Variants in LRRC4C observed in about 807,000 individuals in gnomAD.
LRRC4C encodes the protein leucine rich repeat containing 4C.
Under a neutral mutation model 33.6 loss-of-function variants are expected in LRRC4C, and 5 were observed. The ratio of observed to expected loss-of-function variants is 0.15; its 90% confidence interval spans 0.08 to 0.31. LRRC4C has a LOEUF of 0.31. Ranked by LOEUF, LRRC4C falls within the 10% of genes least tolerant of loss-of-function variation. LRRC4C has a pLI of 1.00. For missense variants in LRRC4C, 560 were observed against 796.7 expected (o/e 0.70, Z 3.58); for synonymous variants, 329 against 302.0 (o/e 1.09, Z -0.93).
rs571841011 is a variant in LRRC4C at position 41,116,502 on chromosome 11, A to G, written c.-495-182779T>C. ...CAATTGAAGGTAGTATTGTTGCAGGAAGGCTGGTGGAAAGAGCAAAATACA... is the reference window on the plus strand; with the variant it reads ...CAATTGAAGGTAGTATTGTTGCAGGGAGGCTGGTGGAAAGAGCAAAATACA... On this transcript the variant is annotated intron_variant, in intron 1 of 6. Transcript: ENST00000528697. 4.9e-4 allele frequency among the ~76,000 whole-genome samples: 74 copies of G among 152,268 alleles called. 1 individual carries two copies. The highest frequency in any genetic ancestry group is 1.8e-3 in the African/African-American group (73 of 41,576).
At chr11:41,451,383 G>A (rs1956020459) in intron 1 of LRRC4C, among the ~76,000 whole-genome samples, 2 of 152,072 alleles carry the variant, frequency 1.3e-5, no homozygotes, top group Admixed American at 1.3e-4. Flanking sequence ...TTTTGTGTGT[G>A]TGTGTGTGTA....
At chr11:40,258,210 T>C (rs935750026) in intron 4 of LRRC4C, among the ~76,000 whole-genome samples, 1 of 152,130 alleles carries the variant, frequency 6.6e-6, no homozygotes, top group Non-Finnish European at 1.5e-5. Context: ...TCCTTGGTCT[T>C]CACGTTTGGA....
intron 3 of LRRC4C, among the ~76,000 whole-genome samples, chr11:40,362,545 C>A (rs1948006856): frequency 6.6e-6 from 1 of 152,120 alleles, no homozygotes; most frequent in African/African-American, 2.4e-5. Flanking sequence ...CATGACAAAA[C>A]CCTGTCTCTA....
At chr11:41,041,439 G>C (rs899235887) in intron 1 of LRRC4C, among the ~76,000 whole-genome samples, 4 of 152,144 alleles carry the variant, frequency 2.6e-5, no homozygotes, top group Admixed American at 6.5e-5. Context: ...AGAGTATAGT[G>C]ATTGCCATAC....
intron 1 of LRRC4C, among the ~76,000 whole-genome samples, chr11:41,372,178 C>T (rs970250582): frequency 2.0e-5 from 3 of 152,112 alleles, no homozygotes; most frequent in Middle Eastern, 3.2e-3. Context: ...AGAAATTGAC[C>T]AGAGTCTGCA....
chr11:41,217,865 T>C (rs1474963560), intron 1 of LRRC4C, among the ~76,000 whole-genome samples: 4 of 152,196 alleles, frequency 2.6e-5, no homozygotes, highest in Non-Finnish European at 5.9e-5. Context: ...AATTGCATTA[T>C]GTTCACACAA....
intron 1 of LRRC4C, among the ~76,000 whole-genome samples, chr11:41,020,575 AG>A (rs1193499945): frequency 6.6e-6 from 1 of 152,132 alleles, no homozygotes; most frequent in Non-Finnish European, 1.5e-5. Context: ...CTGCAAGTCA[AG>A]GAATGGCAAG....
rs552279246 is a variant in LRRC4C, at chr11:40,903,904, A to AATAT, written c.-407+29727_-407+29730dup. ...ATCAAAACATCTCATGTACTTCATA[A>AATAT]ATATATATATATATACCTAAAATGT... On this transcript the variant is annotated intron_variant, in intron 2 of 6. Coordinates refer to ENST00000528697, the MANE Select transcript of LRRC4C (RefSeq NM_001258419.2). 1.6e-4 allele frequency among the ~76,000 whole-genome samples: 24 copies of AATAT among 150,640 alleles called. 1 individual carries two copies. In the South Asian group the frequency reaches 3.1e-3, roughly 20 times the overall value.
chr11:41,201,822 G>A (rs942578915), intron 1 of LRRC4C, among the ~76,000 whole-genome samples: 5 of 152,070 alleles, frequency 3.3e-5, no homozygotes, highest in African/African-American at 1.2e-4. Context: ...CATTGGTTAT[G>A]TTTGCTTACA....
rs151264500 is a variant in LRRC4C at position 40,984,433 on chromosome 11, AAAAG to A, written c.-495-50714_-495-50711del. Reference sequence around the variant, plus strand: ...AAAGAAAGAGAAAGAAAGAAAGAGAAAAAGAAAGAAAGAAAGACAGACAGACATG... The same window carrying A: ...AAAGAAAGAGAAAGAAAGAAAGAGAAAAAGAAAGAAAGACAGACAGACATG... On this transcript the variant is annotated intron_variant, in intron 1 of 6. Coordinates refer to ENST00000528697, the MANE Select transcript of LRRC4C (RefSeq NM_001258419.2). Among the ~76,000 whole-genome samples the A allele has an allele frequency of 8.1e-3, 1,182 of 145,312 alleles. 13 individuals carry two copies. The highest frequency in any genetic ancestry group is 0.028 in the African/African-American group (1,089 of 39,578).
intron 2 of LRRC4C, among the ~76,000 whole-genome samples, chr11:40,657,019 C>G (rs1487966197): frequency 1.3e-5 from 2 of 152,186 alleles, no homozygotes; most frequent in African/African-American, 4.8e-5. Flanking sequence ...TTAACAGGCT[C>G]TATTTGGCTA....
intron 2 of LRRC4C, among the ~76,000 whole-genome samples, chr11:40,752,187 G>A (rs556588016): frequency 6.6e-6 from 1 of 152,128 alleles, no homozygotes; most frequent in South Asian, 2.1e-4. Context: ...CAAGACGTTG[G>A]TTTAGGCAAA....
At chr11:40,525,864 A>G (rs1956026901) in intron 3 of LRRC4C, among the ~76,000 whole-genome samples, 1 of 152,190 alleles carries the variant, frequency 6.6e-6, no homozygotes, top group African/African-American at 2.4e-5. Context: ...AACTAAGACA[A>G]GGTGGTATTG....
intron 3 of LRRC4C, among the ~76,000 whole-genome samples, chr11:40,592,888 G>C (rs1268241394): frequency 6.6e-6 from 1 of 152,162 alleles, no homozygotes; most frequent in Non-Finnish European, 1.5e-5. Context: ...CAACACTTCA[G>C]GATATTCTTT....
intron 1 of LRRC4C, among the ~76,000 whole-genome samples, chr11:41,001,363 A>G (rs1854362189): frequency 1.3e-5 from 2 of 152,150 alleles, no homozygotes. Flanking sequence ...TAAATTTCTA[A>G]CCAAATCCTT....
At chr11:40,952,784 C>T (rs947285007) in intron 1 of LRRC4C, among the ~76,000 whole-genome samples, 3 of 151,040 alleles carry the variant, frequency 2.0e-5, no homozygotes, top group African/African-American at 7.3e-5. Context: ...TTGTGAATCA[C>T]TGGTTTATTT....
At chr11:40,752,954 A>C (rs185080295) in intron 2 of LRRC4C, among the ~76,000 whole-genome samples, 12 of 152,266 alleles carry the variant, frequency 7.9e-5, no homozygotes, top group Admixed American at 7.2e-4. Flanking sequence ...AAAGAATGGA[A>C]TTATTTTATT....
At chr11:40,190,782 A>G (rs779112438) in intron 5 of LRRC4C, among the ~76,000 whole-genome samples, 1 of 152,204 alleles carries the variant, frequency 6.6e-6, no homozygotes, top group Non-Finnish European at 1.5e-5. Context: ...AGCCTGAGTC[A>G]GAGAATCTGG....
In LRRC4C at chr11:40,232,730, A is replaced by G. The variant is rs1036714169; in HGVS notation, c.-96+8789T>C. 2.8e-4 allele frequency among the ~76,000 whole-genome samples: 42 copies of G among 152,204 alleles called. 2 individuals carry two copies. The highest frequency in any genetic ancestry group is 8.5e-4 in the Admixed American group (13 of 15,278). On this transcript the variant is annotated intron_variant, in intron 5 of 6. Transcript: ENST00000528697. The stretch of plus-strand genomic sequence containing the variant: ...AAAATTTTCCAAGTTCATGAACTAA[A>G]TATCATCCCTCCTCTCATGGGAGAT...
Sources: allele counts gnomAD v4.1 joint callset (sites outside exome capture counted in the v4.1 genomes callset), GRCh38; gene constraint gnomAD v4.1.1; transcripts MANE v1.5; gene names NCBI Gene and HGNC (gene_info 2026-07-23, HGNC 2026-07-21).